THSD7B: variants seen among roughly 807,000 people sequenced by gnomAD.
The protein encoded by THSD7B is thrombospondin type-1 domain-containing protein 7B.
A neutral mutation model predicts 213.6 loss-of-function variants in THSD7B; 138 were observed. That is an observed-to-expected ratio of 0.65 (90% CI 0.56 to 0.74). The LOEUF (loss-of-function observed/expected upper bound fraction) is 0.74, where lower values mean the gene tolerates loss of function less well. Among genes scored for constraint, THSD7B ranks in the 30% least tolerant of loss-of-function variants. THSD7B has a pLI of 0.00. For synonymous variants in THSD7B, 742 were observed against 687.0 expected (o/e 1.08, Z -1.25); for missense variants, 1,931 against 1,991.5 (o/e 0.97, Z 0.58).
At chr2:137,515,130 G>A (rs1168436497) in intron 15 of THSD7B, among the ~76,000 whole-genome samples, 1 of 152,156 alleles carries the variant, frequency 6.6e-6, no homozygotes, top group African/African-American at 2.4e-5. Flanking sequence ...CCGTTAAAGT[G>A]AGGACATTGA....
At chr2:137,036,178 C>T (rs1266428008) in intron 2 of THSD7B, among the ~76,000 whole-genome samples, 1 of 152,118 alleles carries the variant, frequency 6.6e-6, no homozygotes, top group Non-Finnish European at 1.5e-5. Context: ...ACATGAAATA[C>T]TCACTCTTCA....
At chr2:137,518,853 ATGG>A (rs1680124636) in intron 15 of THSD7B, among the ~76,000 whole-genome samples, 1 of 152,192 alleles carries the variant, frequency 6.6e-6, no homozygotes, top group Non-Finnish European at 1.5e-5. Context: ...AGCCTTCGAT[ATGG>A]CACCATTCCT....
chr2:137,157,424 G>A (rs1460318428), intron 5 of THSD7B, among the ~76,000 whole-genome samples: 3 of 152,104 alleles, frequency 2.0e-5, no homozygotes, highest in African/African-American at 7.2e-5. Flanking sequence ...TTGTTCTTAT[G>A]GGGGACTGGA....
intron 2 of THSD7B, among the ~76,000 whole-genome samples, chr2:137,037,614 G>A (rs1686802558): frequency 6.6e-6 from 1 of 152,058 alleles, no homozygotes; most frequent in South Asian, 2.1e-4. Context: ...GTGGGGAATT[G>A]CAGAGGTGGA....
chr2:137,344,258 G>A (rs1573972738), intron 12 of THSD7B, among the ~76,000 whole-genome samples: 1 of 151,620 alleles, frequency 6.6e-6, no homozygotes, highest in Non-Finnish European at 1.5e-5. Flanking sequence ...AAAAAGTTGG[G>A]GACCACTGGT....
chr2:137,191,039 C>T (rs1423055943), intron 7 of THSD7B, among the ~76,000 whole-genome samples: 3 of 152,224 alleles, frequency 2.0e-5, no homozygotes, highest in Non-Finnish European at 4.4e-5. Flanking sequence ...TGCAGTGTGC[C>T]TTTGCCCTTA....
intron 3 of THSD7B, among the ~76,000 whole-genome samples, chr2:137,092,687 T>G (rs1197549270): frequency 1.3e-5 from 2 of 152,152 alleles, no homozygotes; most frequent in Non-Finnish European, 2.9e-5. Context: ...CAGGCTGGAG[T>G]GCGGTGGTGC....
At chr2:137,581,771 TAAAA>T (rs1167680028) in intron 17 of THSD7B, among the ~76,000 whole-genome samples, 1 of 126,680 alleles carries the variant, frequency 7.9e-6, no homozygotes. Context: ...AAAAAAAAAA[TAAAA>T]AAAAAAAAAA....
intron 17 of THSD7B, among the ~76,000 whole-genome samples, chr2:137,604,171 T>G (rs1682127091): frequency 6.6e-6 from 1 of 152,234 alleles, no homozygotes; most frequent in East Asian, 1.9e-4. Flanking sequence ...TAAATATTTC[T>G]AATTGCTCAT....
intron 15 of THSD7B, among the ~76,000 whole-genome samples, chr2:137,535,488 A>G (rs1680487277): frequency 6.6e-6 from 1 of 151,794 alleles, no homozygotes; most frequent in Non-Finnish European, 1.5e-5. Context: ...ATGGCTTCAG[A>G]GTATCTTTTT....
At chr2:137,358,086 T>C (rs550562501) in intron 12 of THSD7B, among the ~76,000 whole-genome samples, 2 of 152,336 alleles carry the variant, frequency 1.3e-5, no homozygotes, top group African/African-American at 4.8e-5. Context: ...TGAACAGCTT[T>C]GCCCTCAGGC....
intron 2 of THSD7B, among the ~76,000 whole-genome samples, chr2:137,008,153 C>G (rs1490956637): frequency 6.6e-6 from 1 of 152,040 alleles, no homozygotes; most frequent in Admixed American, 6.6e-5. Flanking sequence ...GAAAAATACC[C>G]TCTGGCCAAA....
chr2:136,939,189 C>G (rs1684779292), intron 2 of THSD7B, among the ~76,000 whole-genome samples: 2 of 152,122 alleles, frequency 1.3e-5, no homozygotes, highest in Non-Finnish European at 2.9e-5. Context: ...CTGGCCTTGA[C>G]TTGCTTCACT....
chr2:137,541,283 T>C (rs1680604662), intron 15 of THSD7B, among the ~76,000 whole-genome samples: 1 of 151,542 alleles, frequency 6.6e-6, no homozygotes, highest in African/African-American at 2.4e-5. Context: ...GTCTCCTCTT[T>C]AACAAAAAAT....
At position 137,501,420 on chromosome 2, in the gene THSD7B, A is replaced by G. The variant is rs150354300; in HGVS notation, c.3138+50397A>G. The stretch of plus-strand genomic sequence containing the variant: ...TCAATATTACATTGAGGGGTTCTGC[A>G]TCCACTTTTTGAAAAAAAAAATTTG... On this transcript the variant is annotated intron_variant, in intron 15 of 27. Transcript: ENST00000409968. Among the ~76,000 whole-genome samples the G allele has an allele frequency of 4.3e-3, 461 of 107,862 alleles. 4 individuals are homozygous for G. Among genetic ancestry groups the G allele is most frequent in the Middle Eastern group, 0.019 (4 of 214 alleles). 70.8% of individuals were successfully genotyped at this position (107,862 alleles called of 152,430 possible). A position where few individuals can be genotyped will look rare whatever the true frequency, so the allele number is the denominator to read the frequency against.
chr2:137,400,329 C>T (rs1004119138), intron 12 of THSD7B, among the ~76,000 whole-genome samples: 1 of 151,516 alleles, frequency 6.6e-6, no homozygotes, highest in Non-Finnish European at 1.5e-5. Flanking sequence ...TGTGTGTTTG[C>T]ATTGATTTCT....
intron 1 of THSD7B, among the ~76,000 whole-genome samples, chr2:136,791,441 G>A (rs1355559655): frequency 1.3e-5 from 2 of 151,756 alleles, no homozygotes; most frequent in Non-Finnish European, 2.9e-5. Flanking sequence ...TATATATGAA[G>A]TGGTGCAGCC....
chr2:137,197,373 G>C (rs1021711681), intron 7 of THSD7B, among the ~76,000 whole-genome samples: 2 of 151,858 alleles, frequency 1.3e-5, no homozygotes, highest in African/African-American at 4.8e-5. Flanking sequence ...CTTGTTGAAT[G>C]GTATCCAGTA....
At chr2:137,522,027 G>A (rs1367068450) in intron 15 of THSD7B, among the ~76,000 whole-genome samples, 1 of 152,204 alleles carries the variant, frequency 6.6e-6, no homozygotes, top group East Asian at 1.9e-4. Context: ...CTTTGTAAAT[G>A]TGGACAACTT....
Sources: gnomAD v4.1 joint callset for allele counts (sites outside exome capture counted in the v4.1 genomes callset) on GRCh38, gnomAD v4.1.1 for gene constraint, MANE v1.5 for transcripts, NCBI Gene and HGNC (gene_info 2026-07-23, HGNC 2026-07-21) for gene names.